ZNF831: variants seen among roughly 807,000 people sequenced by gnomAD.
ZNF831 encodes chromosome 20 open reading frame 174.
In ZNF831, 59 loss-of-function variants were observed where a neutral mutation model predicts 95.8. That is an observed-to-expected ratio of 0.62 (90% CI 0.50 to 0.77). ZNF831 has a LOEUF of 0.77. ZNF831 is among the 30% of genes least tolerant of loss of function. The pLI, the probability that ZNF831 is intolerant of heterozygous loss-of-function variation, is 0.00. For missense variants in ZNF831, 2,205 were observed against 2,164.0 expected, an observed-to-expected ratio of 1.02 and a Z score of -0.38; for synonymous variants, 961 against 925.5, an observed-to-expected ratio of 1.04 and a Z score of -0.70.
intron 1 of ZNF831, among the ~76,000 whole-genome samples, chr20:59,180,233 G>A (rs940384344): frequency 6.6e-6 from 1 of 152,078 alleles, no homozygotes; most frequent in African/African-American, 2.4e-5. Context: ...GACCACAGGC[G>A]TGTACCACCA....
chr20:59,227,771 C>G (rs1239079881), intron 4 of ZNF831, among the ~76,000 whole-genome samples: 1 of 152,008 alleles, frequency 6.6e-6, no homozygotes, highest in Admixed American at 6.5e-5. Context: ...GTTTATGTTT[C>G]TGATGGATCA....
At chr20:59,246,096 C>T (rs765514338) in intron 4 of ZNF831, among the ~76,000 whole-genome samples, 2 of 152,138 alleles carry the variant, frequency 1.3e-5, no homozygotes, top group African/African-American at 2.4e-5. Flanking sequence ...CCTCTCCCTC[C>T]GCAGTCTGTC....
At chr20:59,206,611 G>C (rs1229373074) in intron 3 of ZNF831, among the ~76,000 whole-genome samples, 1 of 152,222 alleles carries the variant, frequency 6.6e-6, no homozygotes, top group Non-Finnish European at 1.5e-5. Flanking sequence ...AGACCACGTA[G>C]CTTAAAACCT....
rs2146767597 is a variant in ZNF831, at chr20:59,254,308, C to T, written c.4599C>T (p.Val1533=). ...TLTSSSPDSK[V]TEEGRAQTLL... ...CATCAAGCTCCCCAGACAGCAAAGT[C>T]ACAGAAGAGGGCAGAGCACAGACCC... is the stretch of plus-strand genomic sequence containing the variant. The change falls in exon 6 of 6, where the codon GTC becomes GTT. Residue 1533 remains valine, a synonymous_variant. Coordinates refer to ENST00000371030, the MANE Select transcript of ZNF831 (RefSeq NM_178457.3). This position sits in a 1 kb window ranked among gnomAD's most constrained non-coding sequence, Gnocchi z 4.5. 1 of 1,614,060 alleles carries T rather than the reference C, an allele frequency of 6.2e-7. No homozygotes were observed. The highest frequency in any genetic ancestry group is 1.1e-5 in the South Asian group (1 of 91,060).
chr20:59,190,740 A>G (rs1983428028), intron 1 of ZNF831, among the ~76,000 whole-genome samples: 1 of 152,234 alleles, frequency 6.6e-6, no homozygotes, highest in South Asian at 2.1e-4. Flanking sequence ...CAGGATTCAG[A>G]CAGATCTGGG....
At chr20:59,136,830 C>G (rs186860169) in intron 1 of ZNF831, among the ~76,000 whole-genome samples, 3 of 152,140 alleles carry the variant, frequency 2.0e-5, no homozygotes, top group African/African-American at 7.2e-5. Context: ...CGTGGTTACC[C>G]GGAATAGAAA....
At chr20:59,131,796 C>T (rs1048113194) in intron 1 of ZNF831, among the ~76,000 whole-genome samples, 9 of 152,200 alleles carry the variant, frequency 5.9e-5, no homozygotes, top group Non-Finnish European at 1.5e-5. Flanking sequence ...GTCTCCAGGG[C>T]GTGAGACAGA....
At chr20:59,135,445 C>T (rs1979471704) in intron 1 of ZNF831, among the ~76,000 whole-genome samples, 1 of 151,974 alleles carries the variant, frequency 6.6e-6, no homozygotes, top group South Asian at 2.1e-4. Flanking sequence ...AAAAAAAATC[C>T]AGGCAGCTGG....
chr20:59,243,527 ATC>A (rs1209196259), intron 4 of ZNF831, among the ~76,000 whole-genome samples: 1 of 152,174 alleles, frequency 6.6e-6, no homozygotes, highest in African/African-American at 2.4e-5. Flanking sequence ...GTTGTGCCCC[ATC>A]TCTCTGTCAC....
chr20:59,145,807 T>C (rs1220885000), intron 1 of ZNF831, among the ~76,000 whole-genome samples: 1 of 151,928 alleles, frequency 6.6e-6, no homozygotes, highest in Admixed American at 6.6e-5. Context: ...TCCATGTGAG[T>C]GGCCGTGGGA....
At chr20:59,177,720 A>C (rs896164194) in intron 1 of ZNF831, among the ~76,000 whole-genome samples, 2 of 152,156 alleles carry the variant, frequency 1.3e-5, no homozygotes, top group African/African-American at 4.8e-5. Flanking sequence ...GCTCAGCTCC[A>C]CATGGTCGCT....
At position 59,192,456 on chromosome 20, in the gene ZNF831, G is replaced by C. The variant is rs2146565895; in HGVS notation, c.1437G>C (p.Lys479Asn). ...PVRSTWTPPD[K>N]SRPLFFHSVP... ...GCTCCACCTGGACGCCCCCAGACAA[G>C]TCTCGGCCCCTCTTCTTCCACTCCG... The change falls in exon 2 of 6, where the codon AAG becomes AAC. Residue 479 changes from lysine (K) to asparagine (N), a missense_variant. Physicochemically the swap from Lys to Asn is moderately conservative, Grantham distance 94. Coordinates refer to ENST00000371030, the MANE Select transcript of ZNF831 (RefSeq NM_178457.3). The surrounding 1 kb of genome is among the most constrained non-coding windows in gnomAD (Gnocchi z 5.2). The C allele has an allele frequency of 6.3e-7, 1 of 1,598,540 alleles. No individual in the cohort carries two copies. Among genetic ancestry groups the C allele is most frequent in the Non-Finnish European group, 8.5e-7 (1 of 1,173,142 alleles).
rs914787801 is a variant in ZNF831, at chr20:59,250,388, A to T, written c.4028-2590A>T. Among the ~76,000 whole-genome samples, 12 of 152,282 alleles carry T rather than the reference A, an allele frequency of 7.9e-5. No individual in the cohort carries two copies. In the South Asian group the frequency reaches 8.3e-4, roughly 11 times the overall value. ...TAGAAGCTGACCAGTACACGTGGAGACCTGCAGATAACTACTTCAGGGTTC... is the reference window on the plus strand; with the variant it reads ...TAGAAGCTGACCAGTACACGTGGAGTCCTGCAGATAACTACTTCAGGGTTC... On this transcript the variant is annotated intron_variant, in intron 4 of 5. Transcript: ENST00000371030.
chr20:59,152,348 A>G (rs1980295359), intron 2 of ZNF831, among the ~76,000 whole-genome samples: 1 of 152,138 alleles, frequency 6.6e-6, no homozygotes, highest in Non-Finnish European at 1.5e-5. Flanking sequence ...GGGGGTTTCC[A>G]GAGGCCTTGG....
At chr20:59,178,421 T>C (rs1464333667) in intron 1 of ZNF831, among the ~76,000 whole-genome samples, 3 of 152,240 alleles carry the variant, frequency 2.0e-5, no homozygotes, top group Non-Finnish European at 4.4e-5. Flanking sequence ...TCAAATGTGA[T>C]AATTTAAGTC....
At chr20:59,244,223 T>A (rs968755411) in intron 4 of ZNF831, among the ~76,000 whole-genome samples, 1 of 151,986 alleles carries the variant, frequency 6.6e-6, no homozygotes, top group South Asian at 2.1e-4. Flanking sequence ...AGGCAAAGTT[T>A]CAAAAAAAAT....
intron 1 of ZNF831, among the ~76,000 whole-genome samples, chr20:59,182,065 T>C (rs572452996): frequency 6.6e-6 from 1 of 152,290 alleles, no homozygotes. Flanking sequence ...CTCAACTCCT[T>C]GATCTTGGGT....
At chr20:59,239,572 T>TA (rs974600289) in intron 4 of ZNF831, among the ~76,000 whole-genome samples, 2 of 141,490 alleles carry the variant, frequency 1.4e-5, no homozygotes, top group African/African-American at 5.4e-5. Flanking sequence ...TTTTTTGAGA[T>TA]AGAGTCTCGC....
Position 59,256,882 on chromosome 20 carries a change from C to G in ZNF831, c.*2139C>G, listed in dbSNP as rs2146781491. On this transcript the variant is annotated 3_prime_UTR_variant, in exon 6 of 6. Coordinates refer to ENST00000371030, the MANE Select transcript of ZNF831 (RefSeq NM_178457.3). The stretch of plus-strand genomic sequence containing the variant: ...AATCATCCAGCCTATACATGTGGCT[C>G]ATAGTTCAAAAAATTAAAAGCAAAA... 6.6e-6 allele frequency: 1 copy of G among 152,310 alleles called. No individual in the cohort carries two copies. The highest frequency in any genetic ancestry group is 1.9e-4 in the East Asian group (1 of 5,190). The allele number at this position is 152,310 out of a possible 1,614,324, so 9.4% of individuals were successfully genotyped here.
Sources: allele counts gnomAD v4.1 joint callset (sites outside exome capture counted in the v4.1 genomes callset), GRCh38; gene constraint gnomAD v4.1.1; non-coding constraint Gnocchi (gnomAD v3.1); transcripts MANE v1.5; gene names NCBI Gene and HGNC (gene_info 2026-07-23, HGNC 2026-07-21).